CHN2: variants seen among roughly 807,000 people sequenced by gnomAD.
The protein encoded by CHN2 is beta-chimaerin.
In CHN2, 35 loss-of-function variants were observed where a neutral mutation model predicts 56.3. The ratio of observed to expected loss-of-function variants is 0.62; its 90% CI spans 0.47 to 0.82. The LOEUF is 0.82. CHN2 is among the 40% of genes least tolerant of loss of function. The pLI is 0.00. For synonymous variants in CHN2, 210 were observed against 212.8 expected, an observed-to-expected ratio of 0.99 and a Z score of 0.12; for missense variants, 491 against 580.5, an observed-to-expected ratio of 0.85 and a Z score of 1.58.
intron 6 of CHN2, among the ~76,000 whole-genome samples, chr7:29,449,557 C>T (rs966813407): frequency 3.3e-5 from 5 of 152,292 alleles, no homozygotes; most frequent in South Asian, 4.1e-4. Flanking sequence ...GGCTACAAAT[C>T]GTAAAGTATT....
chr7:29,162,072 G>A (rs1795244129), intron 2 of CHN2, among the ~76,000 whole-genome samples: 1 of 152,130 alleles, frequency 6.6e-6, no homozygotes, highest in South Asian at 2.1e-4. Context: ...GACATCGCTG[G>A]TGGCAATGTT....
intron 10 of CHN2, among the ~76,000 whole-genome samples, chr7:29,505,347 T>C (rs920004356): frequency 6.6e-6 from 1 of 152,216 alleles, no homozygotes; most frequent in African/African-American, 2.4e-5. Context: ...AATCTGTATT[T>C]TTAATAAGCA....
intron 8 of CHN2, among the ~76,000 whole-genome samples, chr7:29,498,036 T>A (rs1390649850): frequency 2.6e-5 from 4 of 152,200 alleles, no homozygotes; most frequent in Non-Finnish European, 4.4e-5. Flanking sequence ...CACTTAAAAA[T>A]GGTTAAAATG....
At chr7:29,331,613 C>T (rs751871679) in intron 1 of CHN2, among the ~76,000 whole-genome samples, 2 of 152,278 alleles carry the variant, frequency 1.3e-5, no homozygotes, top group South Asian at 4.1e-4. Flanking sequence ...ATGGAAGAGA[C>T]CCCTGGGAGA....
At chr7:29,215,671 G>T (rs961576591) in intron 1 of CHN2, among the ~76,000 whole-genome samples, 1 of 151,936 alleles carries the variant, frequency 6.6e-6, no homozygotes, top group African/African-American at 2.4e-5. Flanking sequence ...CTGCTTGGAA[G>T]TTAGGTCTTT....
chr7:29,326,498 G>A (rs1795814885), intron 1 of CHN2, among the ~76,000 whole-genome samples: 1 of 152,178 alleles, frequency 6.6e-6, no homozygotes, highest in Non-Finnish European at 1.5e-5. Context: ...TGGAAGCCTG[G>A]GTAGAGGCAG....
chr7:29,273,343 GTATATATATATATATATATATATATATA>G (rs55722880), intron 1 of CHN2, among the ~76,000 whole-genome samples: 20 of 58,186 alleles, frequency 3.4e-4, no homozygotes, highest in East Asian at 1.4e-3. Flanking sequence ...ATATATATGT[GTATATATATATATATATATATATATATA>G]TATATATATA....
chr7:29,342,625 G>A (rs1163099954), intron 1 of CHN2, among the ~76,000 whole-genome samples: 1 of 151,760 alleles, frequency 6.6e-6, no homozygotes, highest in Non-Finnish European at 1.5e-5. Context: ...GGAAAGAGTG[G>A]AGAGCTGACT....
At chr7:29,324,822 ATCCACTG>A (rs1795682199) in intron 1 of CHN2, among the ~76,000 whole-genome samples, 2 of 152,128 alleles carry the variant, frequency 1.3e-5, no homozygotes, top group Admixed American at 1.3e-4. Flanking sequence ...GTTTAATTTG[ATCCACTG>A]TACATGGATA....
At chr7:29,273,343 G>GTA (rs55722880) in intron 1 of CHN2, among the ~76,000 whole-genome samples, 994 of 57,888 alleles carry the variant, frequency 0.017, 15 homozygotes, top group Non-Finnish European at 0.026. Context: ...ATATATATGT[G>GTA]TATATATATA....
chr7:29,442,934 C>CTTTTTTTTTTTCTTTTTTTTTTTTTTTTT (rs564931650), intron 6 of CHN2, among the ~76,000 whole-genome samples: 2 of 103,068 alleles, frequency 1.9e-5, no homozygotes, highest in South Asian at 3.2e-4. Flanking sequence ...CATTGAATTT[C>CTTTTTTTTTTTCTTTTTTTTTTTTTTTTT]TTTTTTTTTT....
At chr7:29,483,129 T>C (rs2128548031) in intron 7 of CHN2, among the ~76,000 whole-genome samples, 1 of 152,140 alleles carries the variant, frequency 6.6e-6, no homozygotes, top group Non-Finnish European at 1.5e-5. Context: ...CCTGCACTTT[T>C]TTCTAGAGGC....
At chr7:29,230,390 G>A (rs927507329) in intron 1 of CHN2, among the ~76,000 whole-genome samples, 15 of 152,072 alleles carry the variant, frequency 9.9e-5, no homozygotes, top group African/African-American at 3.6e-4. Context: ...TTCTAGGCTG[G>A]AGTGCAGTGG....
At chr7:29,270,777 GA>G (rs1194341540) in intron 1 of CHN2, among the ~76,000 whole-genome samples, 4 of 152,126 alleles carry the variant, frequency 2.6e-5, no homozygotes, top group African/African-American at 9.7e-5. Flanking sequence ...TACTGATTAA[GA>G]AGAGAGAGAT....
At chr7:29,412,791 C>T (rs1272108934) in intron 6 of CHN2, among the ~76,000 whole-genome samples, 1 of 148,252 alleles carries the variant, frequency 6.7e-6, no homozygotes, top group African/African-American at 2.5e-5. Flanking sequence ...ATCATTGGTA[C>T]AACAGATGAG....
chr7:29,398,382 G>T lies in CHN2; in HGVS notation c.186G>T (p.Gly62=). 1 of 1,612,486 alleles carries T rather than the reference G, an allele frequency of 6.2e-7. No homozygotes were observed. ...RPKYYGREFH[G]IISREQADEL... ...GGTCTTGTACCTTCAGGTTTCATGG[G>T]ATCATCTCTCGGGAGCAGGCGGATG... The change falls in exon 5 of 13, where the codon GGG becomes GGT. Residue 62 remains glycine, a synonymous_variant. Transcript: ENST00000222792.
chr7:29,451,614 G>A (rs556012098), intron 6 of CHN2, among the ~76,000 whole-genome samples: 8 of 151,970 alleles, frequency 5.3e-5, no homozygotes, highest in African/African-American at 1.4e-4. Flanking sequence ...GGTCATATAC[G>A]CGAAGAAGAG....
chr7:29,410,359 T>C (rs1055268775), intron 6 of CHN2, among the ~76,000 whole-genome samples: 17 of 152,112 alleles, frequency 1.1e-4, no homozygotes, highest in Non-Finnish European at 1.2e-4. Context: ...AAAATATTAA[T>C]GTTTGTTTAT....
At chr7:29,316,451 A>C (rs1257489544) in intron 1 of CHN2, among the ~76,000 whole-genome samples, 1 of 152,218 alleles carries the variant, frequency 6.6e-6, no homozygotes, top group Non-Finnish European at 1.5e-5. Flanking sequence ...GCATTTTACT[A>C]TAATTCCATG....
Sources: allele counts gnomAD v4.1 joint callset (sites outside exome capture counted in the v4.1 genomes callset), GRCh38; gene constraint gnomAD v4.1.1; transcripts MANE v1.5; gene names NCBI Gene and HGNC (gene_info 2026-07-23, HGNC 2026-07-21).